HAUS7: variants seen among roughly 807,000 people sequenced by gnomAD.
HAUS7 encodes the protein HAUS augmin-like complex subunit 7.
In HAUS7, 3 loss-of-function variants were observed where a neutral mutation model predicts 28.4. The ratio of observed to expected loss-of-function variants is 0.11; its 90% CI spans 0.05 to 0.27. The LOEUF is 0.27. HAUS7 is among the 10% of genes least tolerant of loss of function. The pLI, the probability that HAUS7 is intolerant of heterozygous loss-of-function variation, is 1.00. For synonymous variants in HAUS7, 165 were observed against 132.1 expected (o/e 1.25, Z -1.71); for missense variants, 284 against 297.3 (o/e 0.96, Z 0.33).
chrX:153,494,929 C>T (rs918150337), intron 1 of HAUS7: 2 of 102,661 alleles, frequency 1.9e-5, no homozygotes, highest in African/African-American at 7.2e-5. Context: ...GTCCCCTCCC[C>T]GTCGGCCCGC....
intron 1 of HAUS7, among the ~76,000 whole-genome samples, chrX:153,490,857 G>A (rs782600276): frequency 1.1e-4 from 12 of 112,238 alleles, no homozygotes; most frequent in Middle Eastern, 4.6e-3. Flanking sequence ...AGTCTTGTAC[G>A]GGCACATAGC....
At chrX:153,449,755 GC>G (rs1333333302) in intron 9 of HAUS7, among the ~76,000 whole-genome samples, 2 of 112,332 alleles carry the variant, frequency 1.8e-5, no homozygotes, top group African/African-American at 6.5e-5. Flanking sequence ...TGTACTGTGT[GC>G]CCACCTCCTC....
Position 153,455,735 on chromosome X carries a change from G to C in HAUS7, c.737C>G (p.Ala246Gly). ...TAGGGTGCTGATGTCGGCTGCGCCC[G>C]CAGCAGCCCCTTGCTCATGCTGTGC... ...YFAQHEQGAAAGAADISTLDQ... is the reference protein window; with the variant it reads ...YFAQHEQGAAGGAADISTLDQ... Residue 246 changes from alanine (A) to glycine (G), a missense_variant, in exon 8 of 10, where the codon GCG becomes GGG. Transcript: ENST00000370211. 2 of 1,197,774 alleles carry C rather than the reference G, an allele frequency of 1.7e-6. No individual in the cohort carries two copies. The highest frequency in any genetic ancestry group is 2.3e-6 in the Non-Finnish European group (2 of 883,696).
intron 1 of HAUS7, among the ~76,000 whole-genome samples, chrX:153,489,806 C>G (rs868983864): frequency 3.5e-5 from 4 of 112,695 alleles, no homozygotes; most frequent in African/African-American, 3.2e-5. Flanking sequence ...ACTGGCCCCC[C>G]ACGGGCCCAC....
intron 1 of HAUS7, chrX:153,486,111 C>T: frequency 1.1e-6 from 1 of 924,785 alleles, no homozygotes; most frequent in African/African-American, 2.0e-5. Flanking sequence ...GGCCCCCCTC[C>T]TCGACCCCAC....
chrX:153,494,739 A>AG (rs782707145), intron 1 of HAUS7, among the ~76,000 whole-genome samples: 15 of 26,214 alleles, frequency 5.7e-4, no homozygotes, highest in South Asian at 0.011. Context: ...CAGGCGGGGG[A>AG]GGGGGGGGGA....
rs200941051 is a variant in HAUS7 at position 153,452,341 on chromosome X, CA to C, written c.1045+2052del. Among the ~76,000 whole-genome samples, 934 of 111,871 alleles carry C rather than the reference CA, an allele frequency of 8.3e-3. 11 individuals carry two copies. Among genetic ancestry groups the C allele is most frequent in the Middle Eastern group, 0.032 (7 of 218 alleles). On this transcript the variant is annotated intron_variant, in intron 9 of 9. Transcript: ENST00000370211. ...CACATGAAGAAATAAAGAACTCCAA[CA>C]AAGGTAACAACATCGATAAATATAA...
At chrX:153,485,830 G>T (rs1223584768) in intron 1 of HAUS7, 3 of 900,504 alleles carry the variant, frequency 3.3e-6, no homozygotes, top group Non-Finnish European at 4.2e-6. Context: ...GCTTCCTGCC[G>T]CGGGGCCTGA....
chrX:153,484,497 C>T (rs782214093), intron 1 of HAUS7, among the ~76,000 whole-genome samples: 1 of 101,410 alleles, frequency 9.9e-6, no homozygotes, highest in East Asian at 3.5e-4. Flanking sequence ...CTGGGAACAG[C>T]GGGGAGGGCT....
At chrX:153,465,878 C>T (rs1445620440) in intron 2 of HAUS7, among the ~76,000 whole-genome samples, 3 of 112,375 alleles carry the variant, frequency 2.7e-5, no homozygotes, top group African/African-American at 6.5e-5. Flanking sequence ...TCACTCCGGC[C>T]GCTGGGGCCA....
At chrX:153,454,972 C>A in intron 8 of HAUS7, 1 of 1,024,093 alleles carries the variant, frequency 9.8e-7, no homozygotes, top group Non-Finnish European at 1.3e-6. Context: ...TCACGGAATC[C>A]TTGAGCCAAG....
At chrX:153,470,870 A>G (rs1556985167), upstream of HAUS7, 1 of 359,932 alleles carries the variant, frequency 2.8e-6, no homozygotes, top group East Asian at 7.0e-5. Flanking sequence ...GGCGGGGCGG[A>G]CACCGGGAAG....
At chrX:153,493,685 C>T (rs1259226958) in intron 1 of HAUS7, among the ~76,000 whole-genome samples, 1 of 111,518 alleles carries the variant, frequency 9.0e-6, no homozygotes, top group Admixed American at 9.4e-5. Context: ...AGGTGCCATG[C>T]GTCCCAGGTC....
At chrX:153,463,616 G>A (rs1179460527) in intron 3 of HAUS7, among the ~76,000 whole-genome samples, 3 of 112,335 alleles carry the variant, frequency 2.7e-5, no homozygotes, top group Non-Finnish European at 3.8e-5. Context: ...GGCCTTCCTC[G>A]GAGTCAAAGC....
chrX:153,456,880 G>C, intron 5 of HAUS7: 1 of 440,904 alleles, frequency 2.3e-6, no homozygotes, highest in Non-Finnish European at 3.9e-6. Flanking sequence ...CTCTGTGCCT[G>C]GCCCGTCTGC....
intron 1 of HAUS7, among the ~76,000 whole-genome samples, chrX:153,488,293 C>T (rs1556988949): frequency 8.8e-6 from 1 of 113,257 alleles, no homozygotes; most frequent in Admixed American, 9.2e-5. Flanking sequence ...CTGGCGGGGC[C>T]GCCCCTCTCC....
chrX:153,459,425 CTTTT>C (rs782334332), intron 4 of HAUS7, among the ~76,000 whole-genome samples: 1 of 111,831 alleles, frequency 8.9e-6, no homozygotes, highest in Non-Finnish European at 1.9e-5. Flanking sequence ...TCTGTTTTTT[CTTTT>C]GTCGCTTATG....
At chrX:153,486,987 G>A (rs1447372537) in intron 1 of HAUS7, 1 of 315,746 alleles carries the variant, frequency 3.2e-6, no homozygotes, top group Non-Finnish European at 5.3e-6. Context: ...TGGCCCAGGG[G>A]CGAAAGGTGG....
intron 1 of HAUS7, among the ~76,000 whole-genome samples, chrX:153,478,756 C>G (rs1330452864): frequency 8.8e-6 from 1 of 113,069 alleles, no homozygotes; most frequent in African/African-American, 3.2e-5. Flanking sequence ...CCCACAGATT[C>G]TATTTCCTCT....
Sources: gnomAD v4.1 joint callset for allele counts (sites outside exome capture counted in the v4.1 genomes callset) on GRCh38, gnomAD v4.1.1 for gene constraint, MANE v1.5 for transcripts, NCBI Gene and HGNC (gene_info 2026-07-23, HGNC 2026-07-21) for gene names.